Variants in COPS9 observed in about 807,000 individuals in gnomAD.
COPS9 encodes the protein COP9 signalosome complex subunit 9.
COPS9 carries 8 observed loss-of-function variants against 7.2 expected under a neutral mutation model. The ratio of observed to expected loss-of-function variants is 1.11; its 90% confidence interval spans 0.65 to 2.00. The LOEUF is 2.00. Among genes scored for constraint, COPS9 ranks in the 30% most tolerant of loss-of-function variants. The probability of loss-of-function intolerance (pLI) is 0.00; values close to 1 mark genes in which losing one functional copy is unlikely to be tolerated. For missense variants in COPS9, 74 were observed against 77.7 expected (o/e 0.95, Z 0.18); for synonymous variants, 39 against 28.7 (o/e 1.36, Z -1.14).
intron 2 of COPS9, 53 bp downstream of exon 2, chr2:240,133,880 C>G: frequency 6.3e-7 from 1 of 1,575,140 alleles, no homozygotes; most frequent in Non-Finnish European, 8.7e-7. Flanking sequence ...CTGCCTTCAC[C>G]TAGAGAAGAA....
downstream of COPS9, chr2:240,129,819 G>C (rs887157247): frequency 7.1e-5 from 80 of 1,124,910 alleles, 2 homozygotes; most frequent in Admixed American, 1.5e-3. Flanking sequence ...CCTGCTCCTC[G>C]CCTGCAGATA....
At chr2:240,129,305 G>C (rs902941091), downstream of COPS9, among the ~76,000 whole-genome samples, 5 of 152,202 alleles carry the variant, frequency 3.3e-5, no homozygotes, top group Admixed American at 2.6e-4. Context: ...TAGGACTATA[G>C]GCACGTGCCA....
chr2:240,128,828 G>A (rs540695689), downstream of COPS9, among the ~76,000 whole-genome samples: 8 of 152,304 alleles, frequency 5.3e-5, no homozygotes, highest in South Asian at 2.1e-4. Flanking sequence ...GGCAATGCTC[G>A]TGGCCTCATG....
chr2:240,130,231 T>G (rs1277408589), downstream of COPS9, among the ~76,000 whole-genome samples: 1 of 152,208 alleles, frequency 6.6e-6, no homozygotes, highest in Non-Finnish European at 1.5e-5. Context: ...GTCCCTCCAC[T>G]GAGGGGCTTT....
In COPS9 at chr2:240,133,926, T is replaced by A. The variant is rs1186204022; in HGVS notation, c.136+7A>T. 1 of 1,613,832 alleles carries A rather than the reference T, an allele frequency of 6.2e-7. No homozygotes were observed. The highest frequency in any genetic ancestry group is 1.7e-5 in the Admixed American group (1 of 60,012). ...TAAATCTGGCATCCCATTCCAAGCA[T>A]CCTTACCGTTAAAAAAGTCTGCATG... On this transcript the variant is annotated splice_region_variant and intron_variant, in intron 2 of 2. Coordinates refer to ENST00000607357, the MANE Select transcript of COPS9 (RefSeq NM_001163424.2).
chr2:240,127,719 G>A (rs1207038950), downstream of COPS9, among the ~76,000 whole-genome samples: 1 of 152,072 alleles, frequency 6.6e-6, no homozygotes, highest in African/African-American at 2.4e-5. Flanking sequence ...GTGCCCTTGG[G>A]GTGGCTTTCT....
downstream of COPS9, chr2:240,129,812 G>T: frequency 9.5e-7 from 1 of 1,051,348 alleles, no homozygotes. Flanking sequence ...TGGAAACCCT[G>T]CTCCTCGCCT....
At chr2:240,134,175 G>A (rs570755119) in intron 1 of COPS9, 170 bp from the exon 2 acceptor site, 9 of 604,592 alleles carry the variant, frequency 1.5e-5, no homozygotes, top group African/African-American at 1.5e-4. Flanking sequence ...TTGGGGGGAG[G>A]GGGAGGAATT....
At chr2:240,130,765 C>T, downstream of COPS9, 1 of 1,324,118 alleles carries the variant, frequency 7.6e-7, no homozygotes, top group Non-Finnish European at 9.6e-7. Flanking sequence ...CACACAAACA[C>T]ACAGAGACGT....
downstream of COPS9, among the ~76,000 whole-genome samples, chr2:240,128,622 G>A (rs528525591): frequency 9.2e-5 from 14 of 151,712 alleles, no homozygotes; most frequent in South Asian, 1.9e-3. Flanking sequence ...TGATGAAGGC[G>A]ATCAGGTATA....
intron 1 of COPS9, 116 bp downstream of exon 1, chr2:240,136,106 G>C (rs1353854506): frequency 7.6e-7 from 1 of 1,313,100 alleles, no homozygotes; most frequent in African/African-American, 1.6e-5. Flanking sequence ...TGGGAGCCGC[G>C]CCCATCGCCC....
downstream of COPS9, among the ~76,000 whole-genome samples, chr2:240,128,219 T>C (rs1406220420): frequency 2.6e-5 from 4 of 152,048 alleles, no homozygotes; most frequent in African/African-American, 7.2e-5. Flanking sequence ...ACCAGAGATA[T>C]AGTGTGGAGA....
At chr2:240,127,362 G>GTCTC (rs578134889), downstream of COPS9, among the ~76,000 whole-genome samples, 1 of 149,622 alleles carries the variant, frequency 6.7e-6, no homozygotes, top group African/African-American at 2.5e-5. Context: ...CTGTTAACCA[G>GTCTC]TCTCTCTCTC....
intron 1 of COPS9, chr2:240,134,398 G>A (rs777119005): frequency 1.7e-5 from 3 of 180,910 alleles, no homozygotes; most frequent in Non-Finnish European, 3.5e-5. Context: ...CTCTCTTCTG[G>A]GAATGAAACC....
At chr2:240,129,736 T>C (rs534481275), downstream of COPS9, among the ~76,000 whole-genome samples, 3 of 152,248 alleles carry the variant, frequency 2.0e-5, no homozygotes, top group East Asian at 1.9e-4. Context: ...ACGAAATGAA[T>C]TGCAAGAACA....
downstream of COPS9, among the ~76,000 whole-genome samples, chr2:240,127,806 C>A (rs957308655): frequency 1.3e-5 from 2 of 152,136 alleles, no homozygotes; most frequent in African/African-American, 2.4e-5. Flanking sequence ...TAAGAAATGC[C>A]TGCTGAGCAC....
chr2:240,136,321 C>T (rs770408320), upstream of COPS9: 1 of 1,532,694 alleles, frequency 6.5e-7, no homozygotes, highest in Non-Finnish European at 8.7e-7. Context: ...CTTCCGGCCT[C>T]AGAGCCGCTT....
intron 1 of COPS9, among the ~76,000 whole-genome samples, chr2:240,134,773 C>T (rs2071957987): frequency 6.6e-6 from 1 of 152,184 alleles, no homozygotes; most frequent in South Asian, 2.1e-4. Context: ...TTCTCAGCCA[C>T]CCTCCCTGTC....
At chr2:240,126,796 T>C (rs750479780), downstream of COPS9, 62 of 1,614,070 alleles carry the variant, frequency 3.8e-5, no homozygotes, top group African/African-American at 5.3e-5. Context: ...GTGCCCATTT[T>C]CCCCTCACTT....
Sources: allele counts gnomAD v4.1 joint callset (sites outside exome capture counted in the v4.1 genomes callset), GRCh38; gene constraint gnomAD v4.1.1; transcripts MANE v1.5; gene names NCBI Gene and HGNC (gene_info 2026-07-23, HGNC 2026-07-21).